The following RALYL variants were observed in gnomAD, a reference collection of about 807,000 sequenced individuals.
The protein encoded by RALYL is RALY RNA binding protein like.
In RALYL, 29 loss-of-function variants were observed where a neutral mutation model predicts 35.1. The ratio of observed to expected loss-of-function variants is 0.83; its 90% CI spans 0.61 to 1.13. The LOEUF (loss-of-function observed/expected upper bound fraction) is 1.13, where lower values mean the gene tolerates loss of function less well. Among genes scored for constraint, RALYL ranks in the 50% most tolerant of loss-of-function variants. The pLI is 0.00. For missense variants in RALYL, 359 were observed against 360.4 expected, an observed-to-expected ratio of 1.00 and a Z score of 0.03; for synonymous variants, 120 against 127.6, an observed-to-expected ratio of 0.94 and a Z score of 0.40.
At chr8:84,857,975 T>A (rs1053832072) in intron 5 of RALYL, among the ~76,000 whole-genome samples, 6 of 152,120 alleles carry the variant, frequency 3.9e-5, no homozygotes, top group Admixed American at 3.9e-4. Context: ...CAAAAGGCAC[T>A]TAGTTTTTAA....
At chr8:84,281,789 ATGTG>A (rs971376399) in intron 1 of RALYL, among the ~76,000 whole-genome samples, 1 of 150,786 alleles carries the variant, frequency 6.6e-6, no homozygotes, top group Non-Finnish European at 1.5e-5. Context: ...CTCTAAGTGT[ATGTG>A]TGTGTGTGTA....
intron 8 of RALYL, among the ~76,000 whole-genome samples, chr8:84,909,030 A>G (rs1847052782): frequency 6.6e-6 from 1 of 152,160 alleles, no homozygotes; most frequent in Admixed American, 6.6e-5. Context: ...CAAATCCCTG[A>G]GGATCTCAGC....
At chr8:84,644,815 A>C (rs1827137283) in intron 2 of RALYL, among the ~76,000 whole-genome samples, 1 of 150,816 alleles carries the variant, frequency 6.6e-6, no homozygotes, top group Admixed American at 6.6e-5. Context: ...GCAGTGGTTC[A>C]ATTTTGGCTC....
At chr8:84,495,772 T>G (rs1041736706) in intron 1 of RALYL, among the ~76,000 whole-genome samples, 1 of 152,128 alleles carries the variant, frequency 6.6e-6, no homozygotes, top group Non-Finnish European at 1.5e-5. Context: ...TTGTAACCTT[T>G]GACGCTTTTT....
chr8:84,344,458 C>A (rs1180611668), intron 1 of RALYL, among the ~76,000 whole-genome samples: 1 of 151,868 alleles, frequency 6.6e-6, no homozygotes, highest in African/African-American at 2.4e-5. Context: ...AGGATGATTG[C>A]ATTAACCTGC....
At chr8:84,879,508 G>A (rs1841806138) in intron 7 of RALYL, among the ~76,000 whole-genome samples, 1 of 151,996 alleles carries the variant, frequency 6.6e-6, no homozygotes, top group African/African-American at 2.4e-5. Flanking sequence ...GGGGATTATA[G>A]GACCAAGAAC....
At chr8:84,471,158 A>G (rs2052688908) in intron 1 of RALYL, among the ~76,000 whole-genome samples, 1 of 152,228 alleles carries the variant, frequency 6.6e-6, no homozygotes, top group Admixed American at 6.5e-5. Context: ...TTGGACAGAG[A>G]AAGTCAAATC....
In RALYL at chr8:84,279,072, G is replaced by A. The variant is rs1490029718; in HGVS notation, c.-24+94648G>A. 3.9e-5 allele frequency among the ~76,000 whole-genome samples: 6 copies of A among 152,162 alleles called. No individual in the cohort carries two copies. In the East Asian group the frequency reaches 9.6e-4, roughly 24 times the overall value. Reference sequence around the variant, plus strand: ...ATGGACTCACAGTCCCACATGGCTGGGGATGGTGGAAGGCAAAGGAGAAGC... The same window carrying A: ...ATGGACTCACAGTCCCACATGGCTGAGGATGGTGGAAGGCAAAGGAGAAGC... On this transcript the variant is annotated intron_variant, in intron 1 of 8. Transcript: ENST00000521268.
chr8:84,343,661 A>G (rs983211292), intron 1 of RALYL, among the ~76,000 whole-genome samples: 2 of 151,498 alleles, frequency 1.3e-5, no homozygotes, highest in Non-Finnish European at 2.9e-5. Context: ...AAAAGGTCTC[A>G]CTCTGCCACC....
intron 1 of RALYL, among the ~76,000 whole-genome samples, chr8:84,225,098 C>T (rs1158581465): frequency 6.6e-6 from 1 of 152,224 alleles, no homozygotes; most frequent in African/African-American, 2.4e-5. Flanking sequence ...CATCCAGTTG[C>T]TCAAGATAGA....
chr8:84,675,485 AG>A (rs1168531923), intron 2 of RALYL, among the ~76,000 whole-genome samples: 1 of 152,198 alleles, frequency 6.6e-6, no homozygotes, highest in Non-Finnish European at 1.5e-5. Flanking sequence ...TACTTCAAAA[AG>A]ATAAAAATTA....
At chr8:84,623,774 G>A (rs1298525801) in intron 2 of RALYL, among the ~76,000 whole-genome samples, 1 of 151,940 alleles carries the variant, frequency 6.6e-6, no homozygotes, top group Non-Finnish European at 1.5e-5. Flanking sequence ...ATATGCTGTG[G>A]GAAAAAAAGA....
intron 2 of RALYL, among the ~76,000 whole-genome samples, chr8:84,685,478 T>G (rs779576007): frequency 6.6e-6 from 1 of 152,146 alleles, no homozygotes; most frequent in Non-Finnish European, 1.5e-5. Flanking sequence ...TTCTAGTACC[T>G]GATTCTCTCC....
intron 2 of RALYL, among the ~76,000 whole-genome samples, chr8:84,611,240 T>C (rs565751549): frequency 6.6e-6 from 1 of 152,186 alleles, no homozygotes; most frequent in East Asian, 1.9e-4. Context: ...ATTTGATTGA[T>C]GAAAGTGTCA....
At chr8:84,524,627 T>C (rs1237485421) in intron 1 of RALYL, among the ~76,000 whole-genome samples, 1 of 152,206 alleles carries the variant, frequency 6.6e-6, no homozygotes, top group Non-Finnish European at 1.5e-5. Flanking sequence ...AAATATTTTA[T>C]CTAAAGCACA....
intron 1 of RALYL, among the ~76,000 whole-genome samples, chr8:84,525,946 CTTTTTTCT>C (rs2058848970): frequency 8.1e-6 from 1 of 122,804 alleles, no homozygotes; most frequent in African/African-American, 3.1e-5. Flanking sequence ...TTTCTCTTTT[CTTTTTTCT>C]TTTTTTTTTT....
chr8:84,777,527 G>A (rs1817114739), intron 3 of RALYL, among the ~76,000 whole-genome samples: 1 of 152,216 alleles, frequency 6.6e-6, no homozygotes, highest in Non-Finnish European at 1.5e-5. Context: ...GGATAGAGTT[G>A]CATAAATGAG....
chr8:84,848,885 C>A (rs1835231952), intron 4 of RALYL, among the ~76,000 whole-genome samples: 1 of 152,072 alleles, frequency 6.6e-6, no homozygotes, highest in South Asian at 2.1e-4. Flanking sequence ...CTCCATTCAT[C>A]ATCACATTAA....
At chr8:84,520,053 C>T (rs768817883) in intron 1 of RALYL, among the ~76,000 whole-genome samples, 13 of 152,170 alleles carry the variant, frequency 8.5e-5, no homozygotes, top group Non-Finnish European at 1.8e-4. Flanking sequence ...TTATTAATTG[C>T]TTCATTTCTC....
Sources: allele counts gnomAD v4.1 joint callset (sites outside exome capture counted in the v4.1 genomes callset), GRCh38; gene constraint gnomAD v4.1.1; transcripts MANE v1.5; gene names NCBI Gene and HGNC (gene_info 2026-07-23, HGNC 2026-07-21).